Variants in OGA observed in about 807,000 individuals in gnomAD.
OGA encodes protein O-GlcNAcase.
In OGA, 21 loss-of-function variants were observed where a neutral mutation model predicts 102.0. That is an observed-to-expected ratio of 0.21 (90% CI 0.15 to 0.30). The LOEUF (loss-of-function observed/expected upper bound fraction) is 0.30. OGA is among the 10% of genes least tolerant of loss of function. The probability of loss-of-function intolerance (pLI) is 1.00; values close to 1 mark genes in which losing one functional copy is unlikely to be tolerated. For synonymous variants in OGA, 408 were observed against 378.2 expected, an observed-to-expected ratio of 1.08 and a Z score of -0.91; for missense variants, 765 against 1,107.8, an observed-to-expected ratio of 0.69 and a Z score of 4.39.
rs2065181965 is a variant in OGA at position 101,785,377 on chromosome 10, T to C, written c.*1074A>G. The C allele has an allele frequency of 1.3e-5, 2 of 152,638 alleles. No homozygotes were observed. Among genetic ancestry groups the C allele is most frequent in the South Asian group, 2.1e-4 (1 of 4,828 alleles). 9.5% of individuals were successfully genotyped at this position (152,638 alleles called of 1,614,324 possible). On this transcript the variant is annotated 3_prime_UTR_variant, in exon 16 of 16. Coordinates refer to ENST00000361464, the MANE Select transcript of OGA (RefSeq NM_012215.5). Reference sequence around the variant, plus strand: ...AAAGACTCTGATTTAATAAAATCAGTAGTAACAGGTCTTGAGATTAAACAA... The same window carrying C: ...AAAGACTCTGATTTAATAAAATCAGCAGTAACAGGTCTTGAGATTAAACAA...
At chr10:101,793,104 T>TG (rs2065277573) in intron 11 of OGA, among the ~76,000 whole-genome samples, 161 bp from the exon 12 acceptor site, 1 of 152,156 alleles carries the variant, frequency 6.6e-6, no homozygotes, top group South Asian at 2.1e-4. Flanking sequence ...ACCTCTTTGC[T>TG]GGGGGAGGGG....
At chr10:101,801,420 G>A (rs1036396344) in intron 7 of OGA, among the ~76,000 whole-genome samples, 1 of 150,598 alleles carries the variant, frequency 6.6e-6, no homozygotes, top group Admixed American at 6.6e-5. Flanking sequence ...AGAGATAATC[G>A]ACAGAGACCC....
chr10:101,788,417 C>CG (rs1316246946), intron 14 of OGA, among the ~76,000 whole-genome samples: 32 of 72,050 alleles, frequency 4.4e-4, no homozygotes, highest in Admixed American at 1.9e-3. Flanking sequence ...CCAGCCTGGG[C>CG]GGGGAAAAAA....
At chr10:101,787,027 G>A (rs1413663791) in intron 15 of OGA, among the ~76,000 whole-genome samples, 8 of 150,508 alleles carry the variant, frequency 5.3e-5, no homozygotes, top group Non-Finnish European at 8.9e-5. Context: ...GTGAGCCACC[G>A]TGCCCGGCCT....
chr10:101,794,215 C>A (rs886848312), intron 10 of OGA: 1 of 308,984 alleles, frequency 3.2e-6, no homozygotes, highest in Non-Finnish European at 6.0e-6. Flanking sequence ...TCAGTATTAT[C>A]AGTTCTACTC....
intron 6 of OGA, among the ~76,000 whole-genome samples, chr10:101,805,067 C>T (rs1309727491): frequency 6.6e-6 from 1 of 151,960 alleles, no homozygotes; most frequent in Non-Finnish European, 1.5e-5. Flanking sequence ...GACAGGGTCT[C>T]ATTCTGTTGC....
At chr10:101,799,879 G>A (rs948641199) in intron 8 of OGA, among the ~76,000 whole-genome samples, 2 of 152,046 alleles carry the variant, frequency 1.3e-5, no homozygotes, top group Non-Finnish European at 2.9e-5. Flanking sequence ...ACATGACAGT[G>A]TTCTTTTTTT....
intron 9 of OGA, among the ~76,000 whole-genome samples, chr10:101,798,409 T>C (rs1000808867): frequency 2.2e-5 from 3 of 133,426 alleles, no homozygotes; most frequent in African/African-American, 8.6e-5. Context: ...AAGAACATAC[T>C]TTTTTTTTTT....
At chr10:101,792,204 TAG>T (rs1229660495) in intron 12 of OGA, among the ~76,000 whole-genome samples, 10 of 152,134 alleles carry the variant, frequency 6.6e-5, no homozygotes, top group African/African-American at 9.6e-5. Flanking sequence ...GTATTTTTAG[TAG>T]AGACAAGGTT....
rs370377634 is a variant in OGA, at chr10:101,818,082, C to A, written c.-60G>T. 6.1e-6 allele frequency: 9 copies of A among 1,473,980 alleles called. No individual in the cohort carries two copies. In the Admixed American group the frequency reaches 1.7e-4, roughly 27 times the overall value. The allele number at this position is 1,473,980 out of a possible 1,614,324, so 91.3% of individuals were successfully genotyped here. A position where few individuals can be genotyped will look rare whatever the true frequency, so the allele number is the denominator to read the frequency against. ...CCTCCTCGACCTCTGTCCGTTGGGG[C>A]ACCGGCCCGGAGCCCTGGAGAGGGC... On this transcript the variant is annotated 5_prime_UTR_variant, in exon 1 of 16. Transcript: ENST00000361464.
At chr10:101,807,430 TG>T (rs2065491167) in intron 5 of OGA, among the ~76,000 whole-genome samples, 1 of 152,076 alleles carries the variant, frequency 6.6e-6, no homozygotes, top group African/African-American at 2.4e-5. Flanking sequence ...GTAAAAGCAA[TG>T]TAATTTGGTT....
Position 101,797,965 on chromosome 10 carries a change from T to C in OGA, c.1984+15A>G, listed in dbSNP as rs1159393443. The C allele has an allele frequency of 6.2e-7, 1 of 1,606,466 alleles. No individual in the cohort carries two copies. Among genetic ancestry groups the C allele is most frequent in the East Asian group, 2.2e-5 (1 of 44,836 alleles). ...AATATATTTGAGGAGAAGAGATTATTCCTGGTGCACCTACCTAACCACTGT... is the reference window on the plus strand; with the variant it reads ...AATATATTTGAGGAGAAGAGATTATCCCTGGTGCACCTACCTAACCACTGT... On this transcript the variant is annotated intron_variant, in intron 10 of 15. Coordinates refer to ENST00000361464, the MANE Select transcript of OGA (RefSeq NM_012215.5).
chr10:101,797,818 A>T, intron 10 of OGA, 162 bp downstream of exon 10: 1 of 659,096 alleles, frequency 1.5e-6, no homozygotes, highest in Non-Finnish European at 2.6e-6. Flanking sequence ...TAAGACTTGC[A>T]TCTCAAGTCT....
chr10:101,794,748 G>A (rs1468814090), intron 10 of OGA, among the ~76,000 whole-genome samples: 1 of 152,174 alleles, frequency 6.6e-6, no homozygotes, highest in Non-Finnish European at 1.5e-5. Flanking sequence ...GAATACAGAA[G>A]TCTCTATTTA....
intron 10 of OGA, among the ~76,000 whole-genome samples, chr10:101,796,563 A>G (rs2065319374): frequency 6.7e-6 from 1 of 150,296 alleles, no homozygotes; most frequent in African/African-American, 2.5e-5. Flanking sequence ...CACGGTCAGT[A>G]TTTCCTTTAT....
At chr10:101,815,705 T>C (rs1224822591) in intron 1 of OGA, among the ~76,000 whole-genome samples, 1 of 151,694 alleles carries the variant, frequency 6.6e-6, no homozygotes, top group Non-Finnish European at 1.5e-5. Flanking sequence ...TGCTCCAATA[T>C]AAAAAAAGAC....
chr10:101,806,736 A>C (rs1456135715), intron 5 of OGA, among the ~76,000 whole-genome samples: 3 of 152,216 alleles, frequency 2.0e-5, no homozygotes, highest in Admixed American at 6.5e-5. Context: ...ATTAAACGCC[A>C]AACAGAATGA....
At chr10:101,804,650 G>A (rs568548955) in intron 6 of OGA, among the ~76,000 whole-genome samples, 1 of 152,148 alleles carries the variant, frequency 6.6e-6, no homozygotes, top group Admixed American at 6.5e-5. Context: ...AAGTGCAATG[G>A]AGTAATCATG....
chr10:101,804,576 T>TA (rs2065441963), intron 6 of OGA, among the ~76,000 whole-genome samples: 1 of 152,084 alleles, frequency 6.6e-6, no homozygotes, highest in Non-Finnish European at 1.5e-5. Context: ...CCTGGCCCCT[T>TA]ACATGTACAT....
Sources: gnomAD v4.1 joint callset for allele counts (sites outside exome capture counted in the v4.1 genomes callset) on GRCh38, gnomAD v4.1.1 for gene constraint, MANE v1.5 for transcripts, NCBI Gene and HGNC (gene_info 2026-07-23, HGNC 2026-07-21) for gene names.